Variants in DISC1 observed in about 807,000 individuals in gnomAD.
DISC1 encodes the protein DISC1 scaffold protein, also known as disrupted in schizophrenia 1 protein.
Under a neutral mutation model 84.5 loss-of-function variants are expected in DISC1, and 57 were observed. That is an observed-to-expected ratio of 0.67 (90% CI 0.55 to 0.84). DISC1 has a LOEUF of 0.84. Among genes scored for constraint, DISC1 ranks in the 40% least tolerant of loss-of-function variants. DISC1 has a pLI of 0.00. For missense variants in DISC1, 1,000 were observed against 1,057.8 expected, an observed-to-expected ratio of 0.95 and a Z score of 0.76; for synonymous variants, 411 against 415.2, an observed-to-expected ratio of 0.99 and a Z score of 0.12.
At chr1:232,018,032 G>A (rs1327958395) in intron 11 of DISC1, among the ~76,000 whole-genome samples, 1 of 152,136 alleles carries the variant, frequency 6.6e-6, no homozygotes, top group Non-Finnish European at 1.5e-5. Flanking sequence ...TAACATTTCT[G>A]CAAATGTATG....
At chr1:231,923,429 C>T (rs1173986473) in intron 9 of DISC1, among the ~76,000 whole-genome samples, 2 of 152,174 alleles carry the variant, frequency 1.3e-5, no homozygotes, top group Non-Finnish European at 2.9e-5. Flanking sequence ...TCCCTTCCAG[C>T]TTACCCATTT....
intron 6 of DISC1, among the ~76,000 whole-genome samples, chr1:231,793,616 G>A (rs1267108644): frequency 6.6e-6 from 1 of 152,108 alleles, no homozygotes; most frequent in Non-Finnish European, 1.5e-5. Context: ...GTCTGGTTTT[G>A]TCACATTCAG....
intron 9 of DISC1, among the ~76,000 whole-genome samples, chr1:231,937,788 A>C (rs1334215322): frequency 1.3e-5 from 2 of 151,490 alleles, no homozygotes; most frequent in African/African-American, 4.9e-5. Flanking sequence ...GACCTGAAAG[A>C]GGGATTCCTA....
intron 9 of DISC1, among the ~76,000 whole-genome samples, chr1:231,893,764 C>A (rs1386837128): frequency 6.6e-6 from 1 of 152,186 alleles, no homozygotes; most frequent in African/African-American, 2.4e-5. Context: ...TTGGCAAATG[C>A]AAGTCACCTG....
chr1:231,730,337 A>G (rs1418798638), intron 3 of DISC1, among the ~76,000 whole-genome samples: 1 of 152,280 alleles, frequency 6.6e-6, no homozygotes, highest in African/African-American at 2.4e-5. Context: ...AAAGAAGCCA[A>G]TGAAAAAGAA....
chr1:231,903,793 A>G (rs1030218152), intron 9 of DISC1, among the ~76,000 whole-genome samples: 2 of 152,228 alleles, frequency 1.3e-5, no homozygotes, highest in African/African-American at 4.8e-5. Context: ...AGGGCAACAG[A>G]TCATGTGGGG....
At chr1:231,838,644 C>T (rs990996840) in intron 9 of DISC1, among the ~76,000 whole-genome samples, 4 of 152,152 alleles carry the variant, frequency 2.6e-5, no homozygotes, top group African/African-American at 9.7e-5. Flanking sequence ...TTATATCTCA[C>T]GTTCTGTTTG....
At chr1:231,910,506 G>T (rs1284554403) in intron 9 of DISC1, among the ~76,000 whole-genome samples, 2 of 152,188 alleles carry the variant, frequency 1.3e-5, no homozygotes, top group Non-Finnish European at 2.9e-5. Flanking sequence ...TCTTAATCCT[G>T]AGCTCTAGTT....
chr1:231,666,309 G>GAAAAAAAAA (rs751745733), intron 1 of DISC1, among the ~76,000 whole-genome samples: 1 of 87,262 alleles, frequency 1.1e-5, no homozygotes, highest in Non-Finnish European at 2.4e-5. Flanking sequence ...TTTGTCTCAG[G>GAAAAAAAAA]AAAAAAAAAA....
chr1:231,994,953 G>T (rs1466325383), intron 10 of DISC1, among the ~76,000 whole-genome samples: 1 of 152,020 alleles, frequency 6.6e-6, no homozygotes, highest in Non-Finnish European at 1.5e-5. Flanking sequence ...AGAAAGAGAG[G>T]GTAGTTTCAA....
chr1:231,963,667 T>TACCTG (rs1660702355), intron 10 of DISC1, among the ~76,000 whole-genome samples: 1 of 152,180 alleles, frequency 6.6e-6, no homozygotes. Flanking sequence ...TTGACAGGTA[T>TACCTG]TATAATGTAG....
In DISC1 at chr1:231,713,979, G is replaced by A. The variant is rs575277279; in HGVS notation, c.1117+11955G>A. On this transcript the variant is annotated intron_variant, in intron 3 of 12. Coordinates refer to ENST00000439617, the MANE Select transcript of DISC1 (RefSeq NM_018662.3). ...AACAAGTAAAATTATCTCTATTTGC[G>A]ATTGACATTATCCTATATGTAGAAA... 1.3e-4 allele frequency among the ~76,000 whole-genome samples: 19 copies of A among 151,486 alleles called. No homozygotes were observed. In the South Asian group the frequency reaches 1.7e-3, roughly 13 times the overall value.
At position 231,815,598 on chromosome 1, in the gene DISC1, C is replaced by T. The variant is rs1319829006; in HGVS notation, c.1793-2731C>T. ...CTAAAAAATACAAAAATTAACTGGG[C>T]GTGGTGGTGGGCACTTGTAATCCTA... On this transcript the variant is annotated intron_variant, in intron 8 of 12. Transcript: ENST00000439617. Among the ~76,000 whole-genome samples, 4 of 152,016 alleles carry T rather than the reference C, an allele frequency of 2.6e-5. No homozygotes were observed. The East Asian group carries it at 5.8e-4, about 22-fold the overall frequency.
At chr1:231,687,583 G>T (rs1044875734) in intron 1 of DISC1, among the ~76,000 whole-genome samples, 2 of 152,122 alleles carry the variant, frequency 1.3e-5, no homozygotes, top group Non-Finnish European at 2.9e-5. Flanking sequence ...CAGCCAAACC[G>T]TATAAGATTT....
At chr1:232,027,205 C>T (rs529631777) in intron 12 of DISC1, among the ~76,000 whole-genome samples, 9 of 152,178 alleles carry the variant, frequency 5.9e-5, no homozygotes, top group Non-Finnish European at 1.0e-4. Context: ...CGTTTTCCTA[C>T]GAGCTTTTTC....
At chr1:231,849,521 G>C (rs2125894651) in intron 9 of DISC1, among the ~76,000 whole-genome samples, 1 of 152,216 alleles carries the variant, frequency 6.6e-6, no homozygotes, top group South Asian at 2.1e-4. Flanking sequence ...GGGCTCTGAT[G>C]ATGATGATGG....
intron 4 of DISC1, 62 bp from the exon 5 acceptor site, chr1:231,767,078 C>G (rs757049430): frequency 1.0e-5 from 16 of 1,599,784 alleles, no homozygotes; most frequent in African/African-American, 2.7e-5. Context: ...TCTTAAAATA[C>G]TTGTCAACAT....
At chr1:231,899,954 C>CA (rs1178561215) in intron 9 of DISC1, among the ~76,000 whole-genome samples, 1 of 152,064 alleles carries the variant, frequency 6.6e-6, no homozygotes, top group African/African-American at 2.4e-5. Flanking sequence ...TTATATGAGA[C>CA]TATATAAGTG....
chr1:231,659,298 T>G (rs972775847), intron 1 of DISC1, among the ~76,000 whole-genome samples: 1 of 152,220 alleles, frequency 6.6e-6, no homozygotes, highest in Admixed American at 6.5e-5. Flanking sequence ...CTGATGGTTG[T>G]TTGTATTTCT....
Sources: allele counts gnomAD v4.1 joint callset (sites outside exome capture counted in the v4.1 genomes callset), GRCh38; gene constraint gnomAD v4.1.1; transcripts MANE v1.5; gene names NCBI Gene and HGNC (gene_info 2026-07-23, HGNC 2026-07-21).